ADAMTS14: variants seen among roughly 807,000 people sequenced by gnomAD.
ADAMTS14 encodes the protein A disintegrin and metalloproteinase with thrombospondin motifs 14.
In ADAMTS14, 100 loss-of-function variants were observed where a neutral mutation model predicts 128.6. The ratio of observed to expected loss-of-function variants is 0.78; its 90% CI spans 0.66 to 0.92. The LOEUF (loss-of-function observed/expected upper bound fraction) is 0.92. Among genes scored for constraint, ADAMTS14 ranks in the 40% least tolerant of loss-of-function variants. ADAMTS14 has a pLI of 0.00. For missense variants in ADAMTS14, 1,562 were observed against 1,658.6 expected (o/e 0.94, Z 1.01); for synonymous variants, 665 against 653.8 (o/e 1.02, Z -0.26).
intron 5 of ADAMTS14, 115 bp from the exon 6 acceptor site, chr10:70,729,987 G>A: frequency 7.8e-7 from 1 of 1,286,688 alleles, no homozygotes; most frequent in Non-Finnish European, 1.1e-6. Flanking sequence ...CTTGGGGTGG[G>A]TCCTGCAGTC....
chr10:70,716,322 C>T (rs1329162126), intron 4 of ADAMTS14, among the ~76,000 whole-genome samples: 1 of 152,210 alleles, frequency 6.6e-6, no homozygotes, highest in Non-Finnish European at 1.5e-5. Context: ...AGAGCTTCCC[C>T]TGAGGGAAGC....
intron 2 of ADAMTS14, among the ~76,000 whole-genome samples, chr10:70,682,529 T>C (rs1331420243): frequency 6.6e-6 from 1 of 152,128 alleles, no homozygotes; most frequent in African/African-American, 2.4e-5. Context: ...CTCACCTCTG[T>C]GTGGTTCGGT....
intron 15 of ADAMTS14, among the ~76,000 whole-genome samples, chr10:70,746,826 C>T (rs1335250419): frequency 2.6e-5 from 4 of 152,052 alleles, no homozygotes; most frequent in African/African-American, 9.7e-5. Flanking sequence ...GAGCCTGGTT[C>T]AGAGCAGGGT....
At chr10:70,734,814 G>T (rs192151956) in intron 8 of ADAMTS14, among the ~76,000 whole-genome samples, 39 of 152,344 alleles carry the variant, frequency 2.6e-4, no homozygotes, top group Non-Finnish European at 2.6e-4. Flanking sequence ...TCAGTACAGA[G>T]TGAGTCCTCA....
intron 2 of ADAMTS14, among the ~76,000 whole-genome samples, chr10:70,679,299 C>T (rs1366116374): frequency 2.0e-5 from 3 of 152,258 alleles, no homozygotes; most frequent in East Asian, 1.9e-4. Flanking sequence ...GATGTGGGGG[C>T]GGGGCCTGGT....
chr10:70,710,143 A>G (rs914176617), intron 4 of ADAMTS14, among the ~76,000 whole-genome samples: 3 of 152,212 alleles, frequency 2.0e-5, no homozygotes, highest in African/African-American at 7.2e-5. Flanking sequence ...CCAGCTCAGC[A>G]TGGGACACTG....
chr10:70,711,624 A>G (rs1468788963), intron 4 of ADAMTS14, among the ~76,000 whole-genome samples: 1 of 152,178 alleles, frequency 6.6e-6, no homozygotes, highest in African/African-American at 2.4e-5. Flanking sequence ...GTTTTCTGTC[A>G]TTAGTATTGT....
chr10:70,722,171 A>G (rs1202365755), intron 4 of ADAMTS14, among the ~76,000 whole-genome samples: 2 of 152,142 alleles, frequency 1.3e-5, no homozygotes, highest in African/African-American at 4.8e-5. Context: ...ACTGGACTCA[A>G]TAGGATGCAG....
rs1337113736 is a variant in ADAMTS14 at position 70,760,771 on chromosome 10, C to T, written c.3590C>T (p.Pro1197Leu). ...LPWGWTQTPT[P>L]VPEDKGQPGE... The stretch of plus-strand genomic sequence containing the variant: ...TGGGGCTGGACTCAGACACCTACGC[C>T]AGTCCCTGAGGACAAAGGGCAACCT... The change falls in exon 22 of 22, where the codon CCA becomes CTA. Residue 1197 changes from proline (P) to leucine (L), a missense_variant. Transcript: ENST00000373207. 1 of 1,612,738 alleles carries T rather than the reference C, an allele frequency of 6.2e-7. No individual in the cohort carries two copies. The highest frequency in any genetic ancestry group is 8.5e-7 in the Non-Finnish European group (1 of 1,179,342).
chr10:70,719,620 C>T (rs1011713286), intron 4 of ADAMTS14, among the ~76,000 whole-genome samples: 5 of 151,974 alleles, frequency 3.3e-5, no homozygotes, highest in African/African-American at 4.8e-5. Flanking sequence ...GTTGCTCAGA[C>T]TGGTCTTGAA....
At chr10:70,703,854 C>T (rs918279288) in intron 3 of ADAMTS14, among the ~76,000 whole-genome samples, 2 of 152,338 alleles carry the variant, frequency 1.3e-5, no homozygotes, top group South Asian at 4.1e-4. Context: ...GGGGCTGGAA[C>T]TCCAGTGAGG....
intron 2 of ADAMTS14, 74 bp from the exon 3 acceptor site, chr10:70,702,238 C>A (rs944542929): frequency 6.3e-7 from 1 of 1,595,854 alleles, no homozygotes; most frequent in South Asian, 1.1e-5. Context: ...TTCACAGATG[C>A]TCGCCTGTCG....
At chr10:70,730,299 G>T (rs371510109) in intron 6 of ADAMTS14, 50 bp downstream of exon 6, 1 of 1,574,472 alleles carries the variant, frequency 6.4e-7, no homozygotes, top group African/African-American at 1.3e-5. Context: ...AGCATGCACG[G>T]CAGACAGAGG....
chr10:70,761,609 C>T lies in ADAMTS14; in HGVS notation c.*756C>T, dbSNP rs1045955683. The T allele has an allele frequency of 1.3e-5, 2 of 152,238 alleles. No individual in the cohort carries two copies. Among genetic ancestry groups the T allele is most frequent in the African/African-American group, 4.8e-5 (2 of 41,452 alleles). 9.4% of individuals were successfully genotyped at this position (152,238 alleles called of 1,614,324 possible). On this transcript the variant is annotated 3_prime_UTR_variant, in exon 22 of 22. Transcript: ENST00000373207. ...CCCCAGCCCACCAGAGAAGGGGGCT[C>T]AGGACACCCTGGACCCCAAGTCCTC... is the stretch of plus-strand genomic sequence containing the variant.
rs1436996808 is a variant in ADAMTS14, at chr10:70,743,587, C to T, written c.1964C>T (p.Thr655Met). The change falls in exon 13 of 22, where the codon ACG (threonine) becomes ATG (methionine). Residue 655 changes from threonine to methionine, a missense_variant. Thr to Met is a moderately conservative substitution (Grantham distance 81). Coordinates refer to ENST00000373207, the MANE Select transcript of ADAMTS14 (RefSeq NM_080722.4). The stretch of plus-strand genomic sequence containing the variant: ...GAGCTGATCTGCCAGTCGGCGGACA[C>T]GGGGGACGTGGTGTTCATGAACCAG... ...KCELICQSADTGDVVFMNQVV... is the reference protein window; with the variant it reads ...KCELICQSADMGDVVFMNQVV... 6 of 1,612,988 alleles carry T rather than the reference C, an allele frequency of 3.7e-6. No individual in the cohort carries two copies. Among genetic ancestry groups the T allele is most frequent in the South Asian group, 1.1e-5 (1 of 90,936 alleles).
chr10:70,758,216 C>A lies in ADAMTS14; in HGVS notation c.3109C>A (p.Leu1037Ile), dbSNP rs1842526203. The A allele has an allele frequency of 6.2e-7, 1 of 1,614,262 alleles. No individual in the cohort carries two copies. The highest frequency in any genetic ancestry group is 1.3e-5 in the African/African-American group (1 of 75,070). ...CACGGTGAGGGCCGATGTCTGGGAA[C>A]TTGGGACGCCAGAGGGGCAGTGGGT... ...NSTVRADVWELGTPEGQWVPQ... is the reference protein window; with the variant it reads ...NSTVRADVWEIGTPEGQWVPQ... The change falls in exon 21 of 22, where the codon CTT (leucine) becomes ATT (isoleucine). Residue 1037 changes from leucine to isoleucine, a missense_variant. Coordinates refer to ENST00000373207, the MANE Select transcript of ADAMTS14 (RefSeq NM_080722.4).
chr10:70,686,066 C>A (rs1839942558), intron 2 of ADAMTS14, among the ~76,000 whole-genome samples: 1 of 152,206 alleles, frequency 6.6e-6, no homozygotes, highest in Non-Finnish European at 1.5e-5. Flanking sequence ...AGGGAGAGGG[C>A]TGCTGTTATG....
At position 70,743,633 on chromosome 10, in the gene ADAMTS14, C is replaced by T; in HGVS notation, c.2010C>T (p.Arg670=). The change falls in exon 13 of 22, where the codon CGC becomes CGT. Residue 670 remains arginine, a synonymous_variant. Coordinates refer to ENST00000373207, the MANE Select transcript of ADAMTS14 (RefSeq NM_080722.4). Reference sequence around the variant, plus strand: ...ACCAGGTGGTTCACGATGGGACACGCTGCAGCTACCGGGACCCATACAGCG... The same window carrying T: ...ACCAGGTGGTTCACGATGGGACACGTTGCAGCTACCGGGACCCATACAGCG... ...FMNQVVHDGT[R]CSYRDPYSVC... 1 of 1,611,732 alleles carries T rather than the reference C, an allele frequency of 6.2e-7. No individual in the cohort carries two copies. Among genetic ancestry groups the T allele is most frequent in the Non-Finnish European group, 8.5e-7 (1 of 1,179,254 alleles).
chr10:70,698,904 G>A (rs1405346798), intron 2 of ADAMTS14, among the ~76,000 whole-genome samples: 1 of 152,154 alleles, frequency 6.6e-6, no homozygotes, highest in African/African-American at 2.4e-5. Context: ...GTGTGATGAG[G>A]ATGGTCTCCG....
Sources: allele counts gnomAD v4.1 joint callset (sites outside exome capture counted in the v4.1 genomes callset), GRCh38; gene constraint gnomAD v4.1.1; transcripts MANE v1.5; gene names NCBI Gene and HGNC (gene_info 2026-07-23, HGNC 2026-07-21).